Variants in SURF4 observed in about 807,000 individuals in gnomAD.
SURF4 encodes surfeit locus protein 4.
In SURF4, 3 loss-of-function variants were observed where a neutral mutation model predicts 30.0. The observed-to-expected ratio is 0.10, with a 90% CI of 0.05 to 0.26. The LOEUF (loss-of-function observed/expected upper bound fraction) is 0.26. Ranked by LOEUF, SURF4 falls within the 10% of genes least tolerant of loss-of-function variation. The pLI is 1.00. For missense variants in SURF4, 217 were observed against 350.8 expected, an observed-to-expected ratio of 0.62 and a Z score of 3.05; for synonymous variants, 143 against 139.9, an observed-to-expected ratio of 1.02 and a Z score of -0.16.
At chr9:133,371,440 C>T (rs1837501019) in intron 1 of SURF4, among the ~76,000 whole-genome samples, 1 of 152,204 alleles carries the variant, frequency 6.6e-6, no homozygotes, top group Non-Finnish European at 1.5e-5. Context: ...GAAAGGATGT[C>T]GCCAGCCCAA....
In SURF4 at chr9:133,367,573, C is replaced by T. The variant is rs2130146416; in HGVS notation, c.49-128G>A. On this transcript the variant is annotated intron_variant, in intron 1 of 5. Coordinates refer to ENST00000371989, the MANE Select transcript of SURF4 (RefSeq NM_033161.4). The stretch of plus-strand genomic sequence containing the variant: ...GGAAGGCAAGAGCTCTTGTCAGCCC[C>T]GGTGCCTTCCCAGGGCAGACTAGGG... 1.3e-5 allele frequency: 20 copies of T among 1,540,008 alleles called. No individual in the cohort carries two copies. In the South Asian group the frequency reaches 1.4e-4, roughly 11 times the overall value.
chr9:133,370,981 T>C (rs1398431955), intron 1 of SURF4: 1 of 1,288,778 alleles, frequency 7.8e-7, no homozygotes, highest in African/African-American at 1.5e-5. Flanking sequence ...GGAAGACTGA[T>C]ATTTCTCTCA....
At chr9:133,372,783 A>G in intron 1 of SURF4, 1 of 266,136 alleles carries the variant, frequency 3.8e-6, no homozygotes, top group African/African-American at 2.3e-5. Context: ...CTATGTGAAT[A>G]AAGAGAAACA....
chr9:133,369,825 C>G (rs1411176285), intron 1 of SURF4, among the ~76,000 whole-genome samples: 2 of 152,226 alleles, frequency 1.3e-5, no homozygotes, highest in East Asian at 3.9e-4. Flanking sequence ...AGGACACAAG[C>G]CTTTATCTCA....
At chr9:133,375,078 T>A (rs1837797406) in intron 1 of SURF4, among the ~76,000 whole-genome samples, 1 of 152,166 alleles carries the variant, frequency 6.6e-6, no homozygotes, top group Admixed American at 6.5e-5. Flanking sequence ...CACCACCTTT[T>A]GTTTTTGTTT....
At chr9:133,375,792 G>T (rs925632265) in intron 1 of SURF4, 130 bp downstream of exon 1, 11 of 956,582 alleles carry the variant, frequency 1.1e-5, no homozygotes, top group South Asian at 5.2e-5. Flanking sequence ...CGGGCGGGGG[G>T]GTCCCCCTGT....
At position 133,363,791 on chromosome 9, in the gene SURF4, T is replaced by C; in HGVS notation, c.544-32A>G. On this transcript the variant is annotated intron_variant, in intron 5 of 5. Coordinates refer to ENST00000371989, the MANE Select transcript of SURF4 (RefSeq NM_033161.4). This position sits in a 1 kb window ranked among gnomAD's most constrained non-coding sequence, Gnocchi z 4.3. Reference sequence around the variant, plus strand: ...AGGTTGAAACGTAAGAAATTCAAAATAAATGTGAGGAAAAGAGATGCTTTA... The same window carrying C: ...AGGTTGAAACGTAAGAAATTCAAAACAAATGTGAGGAAAAGAGATGCTTTA... The C allele has an allele frequency of 6.2e-7, 1 of 1,612,884 alleles. No individual in the cohort carries two copies. The highest frequency in any genetic ancestry group is 8.5e-7 in the Non-Finnish European group (1 of 1,179,186).
chr9:133,365,599 A>C (rs1330322781), intron 4 of SURF4, among the ~76,000 whole-genome samples: 2 of 152,202 alleles, frequency 1.3e-5, no homozygotes, highest in South Asian at 2.1e-4. Flanking sequence ...ATCACAAAAA[A>C]AACTCTCAAT....
chr9:133,376,597 T>C (rs1697689103), upstream of SURF4: 1 of 1,532,680 alleles, frequency 6.5e-7, no homozygotes, highest in Non-Finnish European at 8.8e-7. Flanking sequence ...GGGAGCTCCG[T>C]GGGGTAACGG....
chr9:133,363,690 C>A lies in SURF4; in HGVS notation c.613G>T (p.Ala205Ser). 6.2e-7 allele frequency: 1 copy of A among 1,614,228 alleles called. No individual in the cohort carries two copies. The highest frequency in any genetic ancestry group is 8.5e-7 in the Non-Finnish European group (1 of 1,180,036). The change falls in exon 6 of 6, where the codon GCT becomes TCT. Residue 205 changes from alanine to serine, a missense_variant. Coordinates refer to ENST00000371989, the MANE Select transcript of SURF4 (RefSeq NM_033161.4). This position sits in a 1 kb window ranked among gnomAD's most constrained non-coding sequence, Gnocchi z 4.3. ...AAGAGCCACACAACAAGAGTCAAAG[C>A]AGCCAGCTTGGTTTTAAAACCAATG... is the stretch of plus-strand genomic sequence containing the variant. Reference protein sequence around the residue: ...VAIGFKTKLAALTLVVWLFAI... With the variant: ...VAIGFKTKLASLTLVVWLFAI...
rs1465466361 is a variant in SURF4 at position 133,361,859 on chromosome 9, C to G, written c.*1634G>C. ...TCATTTGATGGGGGCTGTCATACGG[C>G]ACTAACAGGGAGCGAGGTGTGGACC... On this transcript the variant is annotated 3_prime_UTR_variant, in exon 6 of 6. Coordinates refer to ENST00000371989, the MANE Select transcript of SURF4 (RefSeq NM_033161.4). 6.6e-6 allele frequency: 1 copy of G among 152,210 alleles called. No individual in the cohort carries two copies. Among genetic ancestry groups the G allele is most frequent in the Non-Finnish European group, 1.5e-5 (1 of 68,142 alleles). 9.4% of individuals were successfully genotyped at this position (152,210 alleles called of 1,614,324 possible).
At chr9:133,367,080 C>T (rs2130135258) in intron 2 of SURF4, among the ~76,000 whole-genome samples, 179 bp downstream of exon 2, 13 of 152,202 alleles carry the variant, frequency 8.5e-5, no homozygotes, top group Non-Finnish European at 1.5e-4. Context: ...AGAGACTAAG[C>T]GTCCCCACCA....
rs1836911606 is a variant in SURF4, at chr9:133,362,950, G to A, written c.*543C>T. 1 of 199,836 alleles carries A rather than the reference G, an allele frequency of 5.0e-6. No homozygotes were observed. The highest frequency in any genetic ancestry group is 8.1e-5 in the South Asian group (1 of 12,316). 12.4% of individuals were successfully genotyped at this position (199,836 alleles called of 1,614,324 possible). A position where few individuals can be genotyped will look rare whatever the true frequency, so the allele number is the denominator to read the frequency against. ...CATCATTCTTTGGGTGTCCCTAAATGTTTTCACTATTCCTATAAAATACAA... is the reference window on the plus strand; with the variant it reads ...CATCATTCTTTGGGTGTCCCTAAATATTTTCACTATTCCTATAAAATACAA... On this transcript the variant is annotated 3_prime_UTR_variant, in exon 6 of 6. Transcript: ENST00000371989.
chr9:133,363,478 A>G lies in SURF4; in HGVS notation c.*15T>C, dbSNP rs1836957642. On this transcript the variant is annotated 3_prime_UTR_variant, in exon 6 of 6. Coordinates refer to ENST00000371989, the MANE Select transcript of SURF4 (RefSeq NM_033161.4). The surrounding 1 kb of genome is among the most constrained non-coding windows in gnomAD (Gnocchi z 4.3). ...GGCCACGGGTCTTAGCCAGGCAGGT[A>G]GGGATCTGTGACTGTTACCACTCCT... The G allele has an allele frequency of 6.2e-7, 1 of 1,614,258 alleles. No homozygotes were observed. The highest frequency in any genetic ancestry group is 2.2e-5 in the East Asian group (1 of 44,892).
At position 133,375,527 on chromosome 9, in the gene SURF4, G is replaced by C. The variant is rs1000027809; in HGVS notation, c.48+395C>G. ...CCCGCCTCCGGGAGCCCCAGTGAGA[G>C]GAAAAACGTGCGGGGACCCCCCAGC... On this transcript the variant is annotated intron_variant, in intron 1 of 5. Transcript: ENST00000371989. The C allele has an allele frequency of 1.1e-5, 7 of 625,792 alleles. No homozygotes were observed. The Admixed American group carries it at 4.3e-4, about 38-fold the overall frequency. The allele number at this position is 625,792 out of a possible 1,614,324, so 38.8% of individuals were successfully genotyped here. A position where few individuals can be genotyped will look rare whatever the true frequency, so the allele number is the denominator to read the frequency against.
At chr9:133,368,392 C>A (rs1191003164) in intron 1 of SURF4, among the ~76,000 whole-genome samples, 2 of 152,228 alleles carry the variant, frequency 1.3e-5, no homozygotes, top group Non-Finnish European at 2.9e-5. Context: ...TGTTGCAAAC[C>A]AGGGCTGGCG....
intron 1 of SURF4, 117 bp downstream of exon 1, chr9:133,375,805 G>A (rs949914921): frequency 1.9e-6 from 2 of 1,068,648 alleles, no homozygotes. Context: ...CCCCCTGTGG[G>A]AACAAGGAGT....
intron 2 of SURF4, 117 bp downstream of exon 2, chr9:133,367,142 G>A: frequency 2.3e-6 from 3 of 1,316,178 alleles, no homozygotes; most frequent in Non-Finnish European, 3.1e-6. Flanking sequence ...GGAGAAGAGG[G>A]GAATGGAGGG....
In SURF4 at chr9:133,363,741, C is replaced by T; in HGVS notation, c.562G>A (p.Gly188Ser). Reference sequence around the variant, plus strand: ...GCCACTAAAATCATCAGAGCTGTGCCCACGATGTTCTGGACAATCTGCATA... The same window carrying T: ...GCCACTAAAATCATCAGAGCTGTGCTCACGATGTTCTGGACAATCTGCATA... ...SFFSIVQNIVGTALMILVAIG... is the reference protein window; with the variant it reads ...SFFSIVQNIVSTALMILVAIG... Residue 188 changes from glycine to serine, a missense_variant, in exon 6 of 6, where the codon GGC (glycine) becomes AGC (serine). Physicochemically the swap from Gly to Ser is moderately conservative, Grantham distance 56. Transcript: ENST00000371989. This position sits in a 1 kb window ranked among gnomAD's most constrained non-coding sequence, Gnocchi z 4.3. 1 of 1,614,156 alleles carries T rather than the reference C, an allele frequency of 6.2e-7. No individual in the cohort carries two copies. The highest frequency in any genetic ancestry group is 8.5e-7 in the Non-Finnish European group (1 of 1,180,032).
Sources: gnomAD v4.1 joint callset for allele counts (sites outside exome capture counted in the v4.1 genomes callset) on GRCh38, gnomAD v4.1.1 for gene constraint, Gnocchi (gnomAD v3.1) non-coding constraint, MANE v1.5 for transcripts, NCBI Gene and HGNC (gene_info 2026-07-23, HGNC 2026-07-21) for gene names.